Variants in OGT observed in about 807,000 individuals in gnomAD.
The protein encoded by OGT is UDP-N-acetylglucosamine--peptide N-acetylglucosaminyltransferase 110 kDa subunit.
A neutral mutation model predicts 75.8 loss-of-function variants in OGT; 3 were observed. The observed-to-expected ratio is 0.04, with a 90% CI of 0.02 to 0.10. The LOEUF (loss-of-function observed/expected upper bound fraction) is 0.10. Ranked by LOEUF, OGT falls within the 10% of genes least tolerant of loss-of-function variation. The pLI is 1.00. For synonymous variants in OGT, 257 were observed against 289.7 expected, an observed-to-expected ratio of 0.89 and a Z score of 1.15; for missense variants, 260 against 824.4, an observed-to-expected ratio of 0.32 and a Z score of 8.38.
rs201143621 is a variant in OGT at position 71,538,099 on chromosome X, C to A, written c.462+27C>A. 68 of 1,192,282 alleles carry A rather than the reference C, an allele frequency of 5.7e-5. No homozygotes were observed. In the East Asian group the frequency reaches 1.6e-3, roughly 28 times the overall value. ...TGAGTAAAATTTTAATGGTTACTTT[C>A]CCTTCCTAGAAACCCAGAAAGAAAC... On this transcript the variant is annotated intron_variant, in intron 3 of 21. Transcript: ENST00000373719.
Position 71,533,191 on chromosome X carries a change from C to T in OGT, c.-109C>T. 1.3e-6 allele frequency: 1 copy of T among 774,173 alleles called. No homozygotes were observed. Among genetic ancestry groups the T allele is most frequent in the Non-Finnish European group, 1.9e-6 (1 of 516,521 alleles). The allele number at this position is 774,173 out of a possible 1,213,427, so 63.8% of individuals were successfully genotyped here. On this transcript the variant is annotated 5_prime_UTR_variant, in exon 1 of 22. Transcript: ENST00000373719. The stretch of plus-strand genomic sequence containing the variant: ...CTGCCGCCGCTCAAGCCCTCCAGAG[C>T]ATTGCTACGGCTGCTGCCCTTGTAC...
intron 2 of OGT, chrX:71,536,962 GTTT>G (rs1195640430): frequency 2.3e-3 from 286 of 121,886 alleles, no homozygotes; most frequent in South Asian, 3.0e-3. Context: ...AATGTGGTGG[GTTT>G]TTTTTTTTTT....
At chrX:71,547,253 G>A (rs1490727342) in intron 4 of OGT, 23 of 752,357 alleles carry the variant, frequency 3.1e-5, no homozygotes, top group Non-Finnish European at 3.6e-5. Context: ...CAGTAGCATA[G>A]TTTTGATGTT....
Position 71,574,431 on chromosome X carries a change from T to C in OGT, c.*637T>C, listed in dbSNP as rs997597949. ...ATTTAGATGATGACTCAAGATTTTT[T>C]CTGGTCCATTTCCCATTTCCTTTTC... On this transcript the variant is annotated 3_prime_UTR_variant, in exon 22 of 22. Transcript: ENST00000373719. 1 of 110,868 alleles carries C rather than the reference T, an allele frequency of 9.0e-6. No individual in the cohort carries two copies. The highest frequency in any genetic ancestry group is 1.9e-5 in the Non-Finnish European group (1 of 52,920). 9.1% of individuals were successfully genotyped at this position (110,868 alleles called of 1,213,427 possible). A position where few individuals can be genotyped will look rare whatever the true frequency, so the allele number is the denominator to read the frequency against.
chrX:71,559,112 G>C (rs1182145228), intron 12 of OGT, among the ~76,000 whole-genome samples, 155 bp from the exon 13 acceptor site: 1 of 109,458 alleles, frequency 9.1e-6, no homozygotes, highest in African/African-American at 3.3e-5. Context: ...ATTACATAAA[G>C]TGCTGAGGTT....
rs1479958783 is a variant in OGT, at chrX:71,537,589, C to A, written c.219-240C>A. Among the ~76,000 whole-genome samples, 17 of 112,934 alleles carry A rather than the reference C, an allele frequency of 1.5e-4. No homozygotes were observed. In the Admixed American group the frequency reaches 1.6e-3, roughly 11 times the overall value. ...AAGTGCTGGGATTACAGGCGTGAGC[C>A]ACTGCGCCCAGCCAATAATTTTATT... On this transcript the variant is annotated intron_variant, in intron 2 of 21. Transcript: ENST00000373719.
intron 12 of OGT, among the ~76,000 whole-genome samples, chrX:71,558,286 A>G (rs2040356699): frequency 9.2e-6 from 1 of 109,221 alleles, no homozygotes; most frequent in African/African-American, 3.3e-5. Flanking sequence ...GGTATTTTGT[A>G]TTCACCTTTG....
rs34416880 is a variant in OGT, at chrX:71,570,033, G to GTTT, written c.2966+1941_2966+1943dup. 1.9e-4 allele frequency among the ~76,000 whole-genome samples: 5 copies of GTTT among 26,518 alleles called. 1 individual carries two copies. Among genetic ancestry groups the GTTT allele is most frequent in the East Asian group, 2.7e-3 (2 of 730 alleles). The allele number at this position is 26,518 out of a possible 115,157, so 23.0% of individuals were successfully genotyped here. ...ACAGGAGTGAGCCACTGTGCCTGGC[G>GTTT]TTTTTTTTTTTTTTTTTTTTTTTTT... On this transcript the variant is annotated intron_variant, in intron 21 of 21. Coordinates refer to ENST00000373719, the MANE Select transcript of OGT (RefSeq NM_181672.3).
intron 4 of OGT, 69 bp from the exon 5 acceptor site, chrX:71,547,836 TCC>T: frequency 1.8e-6 from 2 of 1,134,394 alleles, no homozygotes; most frequent in Admixed American, 2.7e-5. Flanking sequence ...CTTTTTTTTT[TCC>T]CTTTACAAAT....
At chrX:71,533,606 C>T (rs910165301) in intron 1 of OGT, among the ~76,000 whole-genome samples, 1 of 111,535 alleles carries the variant, frequency 9.0e-6, no homozygotes, top group Admixed American at 9.6e-5. Flanking sequence ...CCACTCTCTC[C>T]AGGCGCTTTT....
Position 71,534,656 on chromosome X carries a change from C to T in OGT, c.37+1320C>T, listed in dbSNP as rs12008611. On this transcript the variant is annotated intron_variant, in intron 1 of 21. Coordinates refer to ENST00000373719, the MANE Select transcript of OGT (RefSeq NM_181672.3). ...CGTGCTCCTCTCCCCACGTCTCCAC[C>T]GTGATTTTCAAAGGTTTAAGATTCT... Among the ~76,000 whole-genome samples, 807 of 110,832 alleles carry T rather than the reference C, an allele frequency of 7.3e-3. 8 individuals carry two copies. Among genetic ancestry groups the T allele is most frequent in the African/African-American group, 0.025 (773 of 30,468 alleles).
chrX:71,535,489 C>T (rs994334666), intron 1 of OGT, among the ~76,000 whole-genome samples: 4 of 111,825 alleles, frequency 3.6e-5, no homozygotes, highest in African/African-American at 1.3e-4. Flanking sequence ...GTTTGATGAC[C>T]CCTTTAACTA....
At chrX:71,569,546 A>G (rs2040439406) in intron 21 of OGT, among the ~76,000 whole-genome samples, 1 of 109,925 alleles carries the variant, frequency 9.1e-6, no homozygotes, top group Admixed American at 9.7e-5. Context: ...GTTGGAATGC[A>G]GTGGGGTGAT....
At chrX:71,552,520 G>C (rs1328687902) in intron 5 of OGT, among the ~76,000 whole-genome samples, 2 of 108,280 alleles carry the variant, frequency 1.8e-5, no homozygotes, top group Non-Finnish European at 3.8e-5. Flanking sequence ...TCCGGAGTAG[G>C]TGGGACTACA....
At chrX:71,570,863 C>T (rs1454032491) in intron 21 of OGT, among the ~76,000 whole-genome samples, 2 of 110,864 alleles carry the variant, frequency 1.8e-5, no homozygotes, top group African/African-American at 3.3e-5. Context: ...GGCATGATCA[C>T]GGCTCACTGC....
intron 5 of OGT, among the ~76,000 whole-genome samples, chrX:71,552,297 T>G (rs2040311114): frequency 9.0e-6 from 1 of 111,333 alleles, no homozygotes; most frequent in African/African-American, 3.3e-5. Flanking sequence ...TTTTAAAGGA[T>G]TAAAAGAAAC....
intron 21 of OGT, among the ~76,000 whole-genome samples, chrX:71,568,851 C>CA (rs201934422): frequency 2.9e-5 from 3 of 101,979 alleles, no homozygotes; most frequent in African/African-American, 1.1e-4. Flanking sequence ...AAAACAAAAA[C>CA]AAACAAACAA....
intron 15 of OGT, 38 bp from the exon 16 acceptor site, chrX:71,562,806 GATA>G: frequency 8.9e-7 from 1 of 1,128,138 alleles, no homozygotes; most frequent in Non-Finnish European, 1.2e-6. Context: ...TAAGTGTACT[GATA>G]AAAGTTCTTA....
intron 3 of OGT, among the ~76,000 whole-genome samples, chrX:71,538,611 A>T (rs1042535365): frequency 1.8e-5 from 2 of 111,835 alleles, no homozygotes; most frequent in Non-Finnish European, 3.8e-5. Flanking sequence ...TAGTTTAAAA[A>T]TTTTTTTTGT....
Sources: allele counts gnomAD v4.1 joint callset (sites outside exome capture counted in the v4.1 genomes callset), GRCh38; gene constraint gnomAD v4.1.1; transcripts MANE v1.5; gene names NCBI Gene and HGNC (gene_info 2026-07-23, HGNC 2026-07-21).